Variants in CADM1 observed in about 807,000 individuals in gnomAD.
The protein encoded by CADM1 is TSLC-1.
A neutral mutation model predicts 53.1 loss-of-function variants in CADM1; 15 were observed. The observed-to-expected ratio is 0.28, with a 90% CI of 0.19 to 0.44. CADM1 has a LOEUF of 0.44. CADM1 is among the 20% of genes least tolerant of loss of function. CADM1 has a pLI of 1.00. For synonymous variants in CADM1, 281 were observed against 243.0 expected (o/e 1.16, Z -1.45); for missense variants, 434 against 611.3 (o/e 0.71, Z 3.06).
rs1052633950 is a variant in CADM1, at chr11:115,240,541, A to T, written c.125-121T>A. 4 of 974,176 alleles carry T rather than the reference A, an allele frequency of 4.1e-6. No homozygotes were observed. In the African/African-American group the frequency reaches 6.4e-5, roughly 16 times the overall value. 60.3% of individuals were successfully genotyped at this position (974,176 alleles called of 1,614,324 possible). ...ATGAACACAAGTAGCAACATTTAGC[A>T]TGGCTCTAATACCTTTCTTTGTAGT... is the stretch of plus-strand genomic sequence containing the variant. On this transcript the variant is annotated intron_variant, in intron 1 of 11. Transcript: ENST00000331581.
At chr11:115,269,649 C>A (rs1023624404) in intron 1 of CADM1, among the ~76,000 whole-genome samples, 5 of 152,172 alleles carry the variant, frequency 3.3e-5, no homozygotes, top group African/African-American at 1.2e-4. Flanking sequence ...GGAGCTTCAA[C>A]TCTGACTCCA....
intron 3 of CADM1, among the ~76,000 whole-genome samples, chr11:115,233,978 C>T (rs541038475): frequency 7.9e-5 from 12 of 152,348 alleles, no homozygotes; most frequent in African/African-American, 2.9e-4. Flanking sequence ...CACTTTGATG[C>T]TCCCTCTGTG....
chr11:115,475,505 C>T (rs555196373), intron 1 of CADM1, among the ~76,000 whole-genome samples: 8 of 152,290 alleles, frequency 5.3e-5, no homozygotes, highest in Non-Finnish European at 1.2e-4. Context: ...TCGCCAAAAA[C>T]TGTCAACAGC....
intron 5 of CADM1, among the ~76,000 whole-genome samples, chr11:115,221,669 T>C (rs569555193): frequency 2.2e-4 from 33 of 152,328 alleles, no homozygotes; most frequent in African/African-American, 7.0e-4. Context: ...TTCAGTTTCC[T>C]ATGTAAATGA....
rs745479573 is a variant in CADM1 at position 115,229,098 on chromosome 11, T to C, written c.721+15A>G. ...GCAACTCTACGCCCTCAGAATAAGA[T>C]ACCAGGGTACTCACACTGTACTTCT... On this transcript the variant is annotated intron_variant, in intron 5 of 11. Transcript: ENST00000331581. 1.2e-6 allele frequency: 2 copies of C among 1,613,554 alleles called. No individual in the cohort carries two copies. The highest frequency in any genetic ancestry group is 2.2e-5 in the South Asian group (2 of 91,068).
intron 10 of CADM1, among the ~76,000 whole-genome samples, chr11:115,189,447 C>T (rs7937380): frequency 0.19 from 28,479 of 152,138 alleles, 3,246 homozygotes; most frequent in South Asian, 0.31. Context: ...ATCCAATTGC[C>T]AGGGCTACTG....
chr11:115,308,643 C>CAA (rs1213483614), intron 1 of CADM1, among the ~76,000 whole-genome samples: 2 of 151,568 alleles, frequency 1.3e-5, no homozygotes, highest in African/African-American at 4.8e-5. Context: ...ATGGTACCAA[C>CAA]AACTTTTCTG....
intron 9 of CADM1, among the ~76,000 whole-genome samples, chr11:115,193,587 A>G (rs891588770): frequency 6.6e-6 from 1 of 152,198 alleles, no homozygotes; most frequent in African/African-American, 2.4e-5. Flanking sequence ...CAATGTGGCC[A>G]TTTAAAACCA....
intron 1 of CADM1, among the ~76,000 whole-genome samples, chr11:115,285,551 TGGTATAA>T (rs1400658468): frequency 6.6e-6 from 1 of 152,132 alleles, no homozygotes; most frequent in East Asian, 1.9e-4. Flanking sequence ...TGATGCAAGT[TGGTATAA>T]GGAAAGAAGA....
At chr11:115,188,704 G>A (rs913940801) in intron 10 of CADM1, among the ~76,000 whole-genome samples, 1 of 152,182 alleles carries the variant, frequency 6.6e-6, no homozygotes, top group Non-Finnish European at 1.5e-5. Flanking sequence ...TTGATGGACT[G>A]TTTAAGACGG....
intron 1 of CADM1, among the ~76,000 whole-genome samples, chr11:115,395,594 T>G (rs1263106291): frequency 1.3e-5 from 2 of 152,208 alleles, no homozygotes; most frequent in Non-Finnish European, 2.9e-5. Context: ...AAAAAAGGTA[T>G]GCAGATTCCA....
rs10577568 is a variant in CADM1, at chr11:115,338,892, A to AT, written c.125-98473dup. On this transcript the variant is annotated intron_variant, in intron 1 of 11. Transcript: ENST00000331581. ...TATTTTTTTTATTTTTTTTTTTTTA[A>AT]TTTTTTTTTTTTTTTATTATACTCT... Among the ~76,000 whole-genome samples the AT allele has an allele frequency of 9.3e-4, 123 of 132,716 alleles. No individual in the cohort carries two copies. In the Middle Eastern group the frequency reaches 0.02, roughly 22 times the overall value. 87.1% of individuals were successfully genotyped at this position (132,716 alleles called of 152,430 possible). A position where few individuals can be genotyped will look rare whatever the true frequency, so the allele number is the denominator to read the frequency against.
chr11:115,456,414 T>C (rs1286662258), intron 1 of CADM1, among the ~76,000 whole-genome samples: 2 of 152,128 alleles, frequency 1.3e-5, no homozygotes, highest in Non-Finnish European at 2.9e-5. Flanking sequence ...TTTTTTTTAA[T>C]TACAGTCACA....
At chr11:115,403,702 T>C (rs1947223042) in intron 1 of CADM1, among the ~76,000 whole-genome samples, 1 of 152,078 alleles carries the variant, frequency 6.6e-6, no homozygotes, top group African/African-American at 2.4e-5. Context: ...GTTCAAGCAG[T>C]TCTCCTGCCT....
chr11:115,345,912 C>T (rs948393855), intron 1 of CADM1, among the ~76,000 whole-genome samples: 2 of 147,184 alleles, frequency 1.4e-5, no homozygotes, highest in African/African-American at 5.1e-5. Flanking sequence ...AATGTACATG[C>T]ATCTAAGCAA....
At chr11:115,419,266 T>C (rs1947693340) in intron 1 of CADM1, among the ~76,000 whole-genome samples, 1 of 152,216 alleles carries the variant, frequency 6.6e-6, no homozygotes. Flanking sequence ...TCTAATAGAC[T>C]GCCCCTTTGT....
intron 1 of CADM1, among the ~76,000 whole-genome samples, chr11:115,295,531 TATATA>T: frequency 1.2e-5 from 1 of 85,594 alleles, no homozygotes; most frequent in African/African-American, 8.1e-5. Context: ...TATATATATA[TATATA>T]TATATATATA....
intron 1 of CADM1, among the ~76,000 whole-genome samples, chr11:115,374,902 T>C (rs551399730): frequency 9.2e-5 from 14 of 152,248 alleles, no homozygotes; most frequent in Admixed American, 1.3e-4. Flanking sequence ...CATTTGACTC[T>C]TGACTCAACA....
Position 115,214,726 on chromosome 11 carries a change from T to C in CADM1, c.876A>G (p.Val292=), listed in dbSNP as rs1941103952. ...RVDDEMPQHA[V]LSGPNLFINN... ...TGATGAACAGGTTGGGCCCAGACAG[T>C]ACGGCGTGTTGAGGCATTTCATCAT... The change falls in exon 7 of 12, where the codon GTA becomes GTG. Residue 292 remains valine (V), a synonymous_variant. Coordinates refer to ENST00000331581, the MANE Select transcript of CADM1 (RefSeq NM_001301043.2). The C allele has an allele frequency of 6.2e-7, 1 of 1,614,078 alleles. No individual in the cohort carries two copies. Among genetic ancestry groups the C allele is most frequent in the Non-Finnish European group, 8.5e-7 (1 of 1,179,966 alleles).
Sources: gnomAD v4.1 joint callset for allele counts (sites outside exome capture counted in the v4.1 genomes callset) on GRCh38, gnomAD v4.1.1 for gene constraint, MANE v1.5 for transcripts, NCBI Gene and HGNC (gene_info 2026-07-23, HGNC 2026-07-21) for gene names.